Variants in PPP6R2 observed in about 807,000 individuals in gnomAD.
The protein encoded by PPP6R2 is serine/threonine-protein phosphatase 6 regulatory subunit 2.
In PPP6R2, 62 loss-of-function variants were observed where a neutral mutation model predicts 100.2. That is an observed-to-expected ratio of 0.62 (90% CI 0.50 to 0.76). PPP6R2 has a LOEUF of 0.76. Among genes scored for constraint, PPP6R2 ranks in the 30% least tolerant of loss-of-function variants. The pLI is 0.00. For synonymous variants in PPP6R2, 525 were observed against 514.7 expected, an observed-to-expected ratio of 1.02 and a Z score of -0.27; for missense variants, 1,142 against 1,276.3, an observed-to-expected ratio of 0.89 and a Z score of 1.60.
chr22:50,386,893 T>A (rs2054361809), intron 2 of PPP6R2, among the ~76,000 whole-genome samples: 1 of 152,070 alleles, frequency 6.6e-6, no homozygotes, highest in Non-Finnish European at 1.5e-5. Context: ...AAAGGGAAAC[T>A]GGAAACTGGG....
chr22:50,372,399 A>C (rs191169904), intron 2 of PPP6R2, among the ~76,000 whole-genome samples: 9 of 152,100 alleles, frequency 5.9e-5, no homozygotes, highest in Admixed American at 5.9e-4. Context: ...AAATACAAAA[A>C]TTAGCTGGGC....
At chr22:50,333,746 G>T in the PPP6R2 span, among the ~76,000 whole-genome samples, 1 of 152,150 alleles carries the variant, frequency 6.6e-6, no homozygotes, top group Non-Finnish European at 1.5e-5. Context: ...AAATAAAGAC[G>T]CAAGACAAAG....
chr22:50,332,950 G>C, the PPP6R2 span, among the ~76,000 whole-genome samples: 1 of 152,054 alleles, frequency 6.6e-6, no homozygotes, highest in Non-Finnish European at 1.5e-5. Flanking sequence ...TAGATAATCA[G>C]TTTTTCCAAT....
chr22:50,376,188 C>T (rs2051508618), intron 2 of PPP6R2, among the ~76,000 whole-genome samples: 1 of 151,928 alleles, frequency 6.6e-6, no homozygotes, highest in Admixed American at 6.6e-5. Flanking sequence ...GGTGTGGTGG[C>T]TCATGCCTGT....
chr22:50,362,109 G>GTT (rs2047910963), intron 1 of PPP6R2, among the ~76,000 whole-genome samples: 1 of 152,206 alleles, frequency 6.6e-6, no homozygotes, highest in Non-Finnish European at 1.5e-5. Context: ...CTGCCTGGAG[G>GTT]GTCTGCATTG....
rs139304702 is a variant in PPP6R2 at position 50,443,247 on chromosome 22, T to A, written c.2580-619T>A. 165 of 153,066 alleles carry A rather than the reference T, an allele frequency of 1.1e-3. 1 individual carries two copies. Among genetic ancestry groups the A allele is most frequent in the Non-Finnish European group, 1.9e-3 (131 of 68,548 alleles). 9.5% of individuals were successfully genotyped at this position (153,066 alleles called of 1,614,324 possible). ...AATATCATTGTGCAAAGTAAGTTGT[T>A]TTTTTCCACGGGGCTGTCTGCGTAA... On this transcript the variant is annotated intron_variant, in intron 22 of 23. Coordinates refer to ENST00000612753, the MANE Select transcript of PPP6R2 (RefSeq NM_001242898.2).
Position 50,443,981 on chromosome 22 carries a change from C to G in PPP6R2, c.2695C>G (p.Leu899Val). The G allele has an allele frequency of 6.2e-7, 1 of 1,612,612 alleles. No individual in the cohort carries two copies. The highest frequency in any genetic ancestry group is 8.5e-7 in the Non-Finnish European group (1 of 1,179,796). ...GGCTACTGTGGCCATCACCACAGCA[C>G]TGAGCAAGGCTGGCCCCGCCATACC... ...PEATVAITTA[L>V]SKAGPAIPTP... is the part of the protein sequence containing the mutation. The change falls in exon 23 of 24, where the codon CTG (leucine) becomes GTG (valine). Residue 899 changes from leucine (L) to valine (V), a missense_variant. Leu to Val is a conservative substitution (Grantham distance 32). Transcript: ENST00000612753.
At chr22:50,388,406 AAAT>A (rs1467675269) in intron 2 of PPP6R2, among the ~76,000 whole-genome samples, 5 of 151,136 alleles carry the variant, frequency 3.3e-5, no homozygotes, top group African/African-American at 7.3e-5. Flanking sequence ...AAAAAAAAAA[AAAT>A]AAGCCTAAAT....
chr22:50,373,341 A>C (rs1209532974), intron 2 of PPP6R2, among the ~76,000 whole-genome samples: 1 of 145,880 alleles, frequency 6.9e-6, no homozygotes, highest in East Asian at 2.0e-4. Flanking sequence ...TCCTGGGTTC[A>C]TGCCATTCTC....
chr22:50,407,075 G>C (rs546059392), intron 4 of PPP6R2, among the ~76,000 whole-genome samples, 200 bp downstream of exon 4: 3 of 152,086 alleles, frequency 2.0e-5, no homozygotes, highest in African/African-American at 7.2e-5. Context: ...GGCTGGGTGC[G>C]GTGGCTCAAG....
intron 10 of PPP6R2, among the ~76,000 whole-genome samples, chr22:50,427,725 T>G (rs886309981): frequency 2.8e-5 from 4 of 144,336 alleles, no homozygotes; most frequent in African/African-American, 9.9e-5. Context: ...AATTTTTGTT[T>G]TGTTTTGTTT....
At chr22:50,364,247 G>A (rs960923653) in intron 1 of PPP6R2, among the ~76,000 whole-genome samples, 26 of 152,118 alleles carry the variant, frequency 1.7e-4, no homozygotes. Context: ...CCTGGAAAAG[G>A]ACCCTGTATA....
intron 18 of PPP6R2, 128 bp from the exon 19 acceptor site, chr22:50,438,471 A>G (rs2064873716): frequency 7.0e-7 from 1 of 1,422,810 alleles, no homozygotes; most frequent in Non-Finnish European, 9.6e-7. Flanking sequence ...TGAGGCCTGG[A>G]GCGTCTCGTG....
chr22:50,358,008 G>A (rs886695943), intron 1 of PPP6R2, among the ~76,000 whole-genome samples: 16 of 152,022 alleles, frequency 1.1e-4, no homozygotes, highest in Non-Finnish European at 1.5e-5. Context: ...CTGGAGTGCA[G>A]TGGCGTGATC....
At chr22:50,415,206 G>A (rs537280264) in intron 5 of PPP6R2, among the ~76,000 whole-genome samples, 46 of 152,340 alleles carry the variant, frequency 3.0e-4, no homozygotes, top group Non-Finnish European at 5.4e-4. Context: ...ATAAGCCCAG[G>A]AAATCCGTGC....
intron 1 of PPP6R2, among the ~76,000 whole-genome samples, chr22:50,357,456 A>C (rs1427758679): frequency 6.7e-4 from 78 of 116,692 alleles, no homozygotes; most frequent in African/African-American, 1.2e-3. Context: ...CTCTTTCCCT[A>C]CCTCCCTTCC....
At chr22:50,438,473 C>T (rs529278667) in intron 18 of PPP6R2, 126 bp from the exon 19 acceptor site, 33 of 1,419,486 alleles carry the variant, frequency 2.3e-5, no homozygotes, top group Middle Eastern at 2.6e-4. Flanking sequence ...AGGCCTGGAG[C>T]GTCTCGTGCT....
At chr22:50,339,961 GT>G (rs1280070073), upstream of PPP6R2, among the ~76,000 whole-genome samples, 5 of 119,080 alleles carry the variant, frequency 4.2e-5, no homozygotes, top group African/African-American at 1.6e-4. Context: ...GTGTGTGTGT[GT>G]TGTGTGGTGT....
At chr22:50,358,256 C>T (rs1030876622) in intron 1 of PPP6R2, among the ~76,000 whole-genome samples, 1 of 152,108 alleles carries the variant, frequency 6.6e-6, no homozygotes, top group Non-Finnish European at 1.5e-5. Context: ...GTACCCAGCT[C>T]CTGTTTGTTT....
Sources: allele counts gnomAD v4.1 joint callset (sites outside exome capture counted in the v4.1 genomes callset), GRCh38; gene constraint gnomAD v4.1.1; transcripts MANE v1.5; gene names NCBI Gene and HGNC (gene_info 2026-07-23, HGNC 2026-07-21).